Variants in DNM2 observed in about 807,000 individuals in gnomAD.
The protein encoded by DNM2 is dynamin 2.
A neutral mutation model predicts 99.0 loss-of-function variants in DNM2; 15 were observed. That is an observed-to-expected ratio of 0.15 (90% CI 0.10 to 0.23). DNM2 has a LOEUF of 0.23. Ranked by LOEUF, DNM2 falls within the 10% of genes least tolerant of loss-of-function variation. The pLI is 1.00. For synonymous variants in DNM2, 525 were observed against 481.2 expected (o/e 1.09, Z -1.19); for missense variants, 742 against 1,189.4 (o/e 0.62, Z 5.53).
At position 10,830,036 on chromosome 19, in the gene DNM2, GC is replaced by G. The variant is rs2073280639; in HGVS notation, c.2292-86del. The G allele has an allele frequency of 1.5e-5, 23 of 1,582,578 alleles. 1 individual carries two copies. In the South Asian group the frequency reaches 1.5e-4, roughly 11 times the overall value. On this transcript the variant is annotated intron_variant, in intron 19 of 20. Coordinates refer to ENST00000389253, the MANE Select transcript of DNM2 (RefSeq NM_001005361.3). The surrounding 1 kb of genome is among the most constrained non-coding windows in gnomAD (Gnocchi z 4.8). ...TGCGCCTGCGCTGTCCCCATAGCCA[GC>G]CCCCACCTCAGGTTCTGGCAGCCAC...
intron 3 of DNM2, among the ~76,000 whole-genome samples, chr19:10,773,146 A>ATT (rs71164120): frequency 5.1e-5 from 5 of 97,640 alleles, no homozygotes; most frequent in African/African-American, 1.6e-4. Flanking sequence ...CACCCAGCTA[A>ATT]TTTTTTTTTT....
In DNM2 at chr19:10,820,831, AG is replaced by A. The variant is rs1391996111; in HGVS notation, c.1781+744del. Among the ~76,000 whole-genome samples, 5 of 152,238 alleles carry A rather than the reference AG, an allele frequency of 3.3e-5. No homozygotes were observed. Among genetic ancestry groups the A allele is most frequent in the African/African-American group, 4.8e-5 (2 of 41,470 alleles). ...AAGGAACGAAACCAGATGAGCTCCC[AG>A]GAGAGTGAAGCTGGAGAATGGGAGG... On this transcript the variant is annotated intron_variant, in intron 16 of 20. Transcript: ENST00000389253. This position sits in a 1 kb window ranked among gnomAD's most constrained non-coding sequence, Gnocchi z 4.3.
chr19:10,819,837 C>A lies in DNM2; in HGVS notation c.1672-143C>A. 2.6e-6 allele frequency: 2 copies of A among 767,164 alleles called. 1 individual carries two copies. The highest frequency in any genetic ancestry group is 6.5e-4 in the Middle Eastern group (2 of 3,064). The allele number at this position is 767,164 out of a possible 1,614,324, so 47.5% of individuals were successfully genotyped here. On this transcript the variant is annotated intron_variant, in intron 15 of 20. Coordinates refer to ENST00000389253, the MANE Select transcript of DNM2 (RefSeq NM_001005361.3). ...GGACAGAGTGACGGACGGGGAAGGG[C>A]CGGCAGATGGGCTCATATACAGCAG...
chr19:10,814,399 G>A (rs2072662642), intron 15 of DNM2, among the ~76,000 whole-genome samples: 1 of 152,314 alleles, frequency 6.6e-6, no homozygotes, highest in South Asian at 2.1e-4. Flanking sequence ...GGGAAGCAGA[G>A]GTTGCGGTGA....
At chr19:10,807,960 T>A (rs1172031119) in intron 13 of DNM2, among the ~76,000 whole-genome samples, 1 of 150,044 alleles carries the variant, frequency 6.7e-6, no homozygotes, top group African/African-American at 2.4e-5. Context: ...CTGGCCAACA[T>A]GGTGAAACCC....
intron 14 of DNM2, chr19:10,809,481 T>A (rs1234623421): frequency 6.6e-6 from 1 of 152,298 alleles, no homozygotes; most frequent in African/African-American, 2.4e-5. Flanking sequence ...ATCCCTGCTG[T>A]GGGTAACACC....
Position 10,772,236 on chromosome 19 carries a change from T to G in DNM2, c.236-243T>G, listed in dbSNP as rs545719466. The stretch of plus-strand genomic sequence containing the variant: ...CTGAGACTACAGGCATGTGCCACCA[T>G]GCCAGGCTAATTTTTTGTATTTTTA... On this transcript the variant is annotated intron_variant, in intron 2 of 20. Transcript: ENST00000389253. The surrounding 1 kb of genome is among the most constrained non-coding windows in gnomAD (Gnocchi z 4.9). Among the ~76,000 whole-genome samples the G allele has an allele frequency of 1.6e-4, 24 of 151,984 alleles. No homozygotes were observed. The highest frequency in any genetic ancestry group is 5.1e-4 in the African/African-American group (21 of 41,454).
chr19:10,722,812 A>T (rs1381330410), intron 1 of DNM2, among the ~76,000 whole-genome samples: 1 of 150,994 alleles, frequency 6.6e-6, no homozygotes, highest in Non-Finnish European at 1.5e-5. Flanking sequence ...TTTTTTGTAG[A>T]TACAGGGCCT....
chr19:10,828,614 A>G (rs1312145667), intron 18 of DNM2, among the ~76,000 whole-genome samples: 2 of 151,800 alleles, frequency 1.3e-5, no homozygotes, highest in Admixed American at 1.3e-4. Context: ...AAAAAGATAT[A>G]ACAGGATTAT....
intron 1 of DNM2, among the ~76,000 whole-genome samples, chr19:10,731,082 C>T (rs2069297257): frequency 6.6e-6 from 1 of 152,146 alleles, no homozygotes; most frequent in African/African-American, 2.4e-5. Context: ...GCGGGCCAGT[C>T]AAGCGGGCAG....
rs1337684404 is a variant in DNM2, at chr19:10,831,458, G to A, written c.*411G>A. On this transcript the variant is annotated 3_prime_UTR_variant, in exon 21 of 21. Transcript: ENST00000389253. The surrounding 1 kb of genome is among the most constrained non-coding windows in gnomAD (Gnocchi z 4.3). ...GCCTACATCCCCAGGCCTTGCTGGG[G>A]TGCAGGGGTATATCAACTTCCCATT... The A allele has an allele frequency of 1.5e-5, 15 of 1,000,350 alleles. No individual in the cohort carries two copies. Among genetic ancestry groups the A allele is most frequent in the East Asian group, 1.0e-4 (1 of 9,664 alleles). 62.0% of individuals were successfully genotyped at this position (1,000,350 alleles called of 1,614,324 possible).
chr19:10,804,122 GA>G (rs1057457577), intron 12 of DNM2, among the ~76,000 whole-genome samples: 20 of 152,236 alleles, frequency 1.3e-4, no homozygotes, highest in Non-Finnish European at 2.5e-4. Flanking sequence ...TCCAGGGGAG[GA>G]TTTTGGATTT....
Position 10,764,993 on chromosome 19 carries a change from T to C in DNM2, c.235+5182T>C, listed in dbSNP as rs574719757. Among the ~76,000 whole-genome samples, 2 of 151,082 alleles carry C rather than the reference T, an allele frequency of 1.3e-5. No individual in the cohort carries two copies. Among genetic ancestry groups the C allele is most frequent in the South Asian group, 2.1e-4 (1 of 4,750 alleles). The stretch of plus-strand genomic sequence containing the variant: ...TTTTTTTTTTGAGATGGAGTCTCGC[T>C]GTCGCCCAGGCTGGAGTGCAGTGGC... On this transcript the variant is annotated intron_variant, in intron 2 of 20. Coordinates refer to ENST00000389253, the MANE Select transcript of DNM2 (RefSeq NM_001005361.3). The surrounding 1 kb of genome is among the most constrained non-coding windows in gnomAD (Gnocchi z 4.1).
rs1406718069 is a variant in DNM2, at chr19:10,812,292, A to G, written c.1586A>G (p.Asn529Ser). Reference sequence around the variant, plus strand: ...ATCCGCAGGGGCTGGCTGACCATCAACAACATCAGCCTGATGAAAGGCGGC... The same window carrying G: ...ATCCGCAGGGGCTGGCTGACCATCAGCAACATCAGCCTGATGAAAGGCGGC... ...LVIRRGWLTI[N>S]NISLMKGGSK... Residue 529 changes from asparagine (N) to serine (S), a missense_variant, in exon 15 of 21, where the codon AAC becomes AGC. Coordinates refer to ENST00000389253, the MANE Select transcript of DNM2 (RefSeq NM_001005361.3). This position sits in a 1 kb window ranked among gnomAD's most constrained non-coding sequence, Gnocchi z 4.0. 4 of 1,608,544 alleles carry G rather than the reference A, an allele frequency of 2.5e-6. No individual in the cohort carries two copies. The African/African-American group carries it at 4.0e-5, about 16-fold the overall frequency.
At chr19:10,797,555 G>A (rs1379461001) in intron 10 of DNM2, 37 bp downstream of exon 10, 8 of 1,613,430 alleles carry the variant, frequency 5.0e-6, no homozygotes, top group South Asian at 4.4e-5. Context: ...ATTTGTCCCC[G>A]TCCTCCCCCT....
rs1388542094 is a variant in DNM2 at position 10,811,120 on chromosome 19, G to A, written c.1558-1144G>A. 6.5e-6 allele frequency: 1 copy of A among 154,266 alleles called. No individual in the cohort carries two copies. The highest frequency in any genetic ancestry group is 2.4e-5 in the African/African-American group (1 of 41,472). The allele number at this position is 154,266 out of a possible 1,614,324, so 9.6% of individuals were successfully genotyped here. On this transcript the variant is annotated intron_variant, in intron 14 of 20. Coordinates refer to ENST00000389253, the MANE Select transcript of DNM2 (RefSeq NM_001005361.3). This position sits in a 1 kb window ranked among gnomAD's most constrained non-coding sequence, Gnocchi z 5.4. Reference sequence around the variant, plus strand: ...CCTTGGCCTTAACAAGGGGCGCCCGGTGGCATCTCATGCTGTCCCCAGCCT... The same window carrying A: ...CCTTGGCCTTAACAAGGGGCGCCCGATGGCATCTCATGCTGTCCCCAGCCT...
At chr19:10,790,403 G>A (rs2071712069) in intron 7 of DNM2, among the ~76,000 whole-genome samples, 1 of 152,098 alleles carries the variant, frequency 6.6e-6, no homozygotes, top group South Asian at 2.1e-4. Flanking sequence ...AGGGATCTTG[G>A]GTTAAGGAAC....
Position 10,718,124 on chromosome 19 carries a change from C to T in DNM2, c.-119C>T, listed in dbSNP as rs915195746. The T allele has an allele frequency of 6.2e-6, 7 of 1,136,444 alleles. No individual in the cohort carries two copies. Among genetic ancestry groups the T allele is most frequent in the Non-Finnish European group, 7.8e-6 (7 of 895,302 alleles). 70.4% of individuals were successfully genotyped at this position (1,136,444 alleles called of 1,614,324 possible). On this transcript the variant is annotated 5_prime_UTR_variant, in exon 1 of 21. Transcript: ENST00000389253. Reference sequence around the variant, plus strand: ...ACCGTGAGGCCGAGCCGGGAGCGGGCGTCTTGCCGAGGCCCGGGCGGGCGG... The same window carrying T: ...ACCGTGAGGCCGAGCCGGGAGCGGGTGTCTTGCCGAGGCCCGGGCGGGCGG...
intron 2 of DNM2, 87 bp downstream of exon 2, chr19:10,759,898 G>C: frequency 6.5e-7 from 1 of 1,549,116 alleles, no homozygotes; most frequent in South Asian, 1.1e-5. Flanking sequence ...GTGGAACTTG[G>C]GTCCTGGGCT....
Sources: gnomAD v4.1 joint callset for allele counts (sites outside exome capture counted in the v4.1 genomes callset) on GRCh38, gnomAD v4.1.1 for gene constraint, Gnocchi (gnomAD v3.1) non-coding constraint, MANE v1.5 for transcripts, NCBI Gene and HGNC (gene_info 2026-07-23, HGNC 2026-07-21) for gene names.